The following CNTN5 variants were observed in gnomAD, a reference collection of about 807,000 sequenced individuals.
CNTN5 encodes contactin 5.
A neutral mutation model predicts 129.1 loss-of-function variants in CNTN5; 77 were observed. The ratio of observed to expected loss-of-function variants is 0.60; its 90% CI spans 0.50 to 0.72. The LOEUF is 0.72. Ranked by LOEUF, CNTN5 falls within the 30% of genes least tolerant of loss-of-function variation. CNTN5 has a pLI of 0.00. For synonymous variants in CNTN5, 509 were observed against 465.6 expected (o/e 1.09, Z -1.20); for missense variants, 1,478 against 1,328.8 (o/e 1.11, Z -1.75).
chr11:100,101,166 C>A (rs575912654), intron 13 of CNTN5, among the ~76,000 whole-genome samples: 1 of 152,062 alleles, frequency 6.6e-6, no homozygotes, highest in Non-Finnish European at 1.5e-5. Flanking sequence ...TGGAGATTTG[C>A]ATCAACTTGA....
At chr11:100,085,922 A>G (rs1728702437) in intron 13 of CNTN5, among the ~76,000 whole-genome samples, 1 of 152,072 alleles carries the variant, frequency 6.6e-6, no homozygotes, top group Non-Finnish European at 1.5e-5. Context: ...TGGTCTTGGA[A>G]TAGGATTTTA....
chr11:100,100,981 A>G (rs1345669150), intron 13 of CNTN5, among the ~76,000 whole-genome samples: 1 of 152,160 alleles, frequency 6.6e-6, no homozygotes, highest in South Asian at 2.1e-4. Context: ...AAAGATGTCA[A>G]AAACACATGG....
intron 6 of CNTN5, among the ~76,000 whole-genome samples, chr11:99,905,571 C>T (rs1357743940): frequency 2.0e-5 from 3 of 152,078 alleles, no homozygotes; most frequent in African/African-American, 7.2e-5. Flanking sequence ...AGTAGGGTAG[C>T]ATGATGCCTC....
chr11:99,177,305 C>G (rs530892111), intron 1 of CNTN5, among the ~76,000 whole-genome samples: 2 of 152,206 alleles, frequency 1.3e-5, no homozygotes, highest in African/African-American at 4.8e-5. Context: ...TTATTTTTGT[C>G]CCTCTCCACT....
At chr11:100,058,652 T>C (rs1485706522) in intron 9 of CNTN5, among the ~76,000 whole-genome samples, 7 of 152,160 alleles carry the variant, frequency 4.6e-5, no homozygotes. Context: ...CAATTTTATG[T>C]TTTATTCCTA....
chr11:99,768,267 G>C (rs1307973960), intron 3 of CNTN5, among the ~76,000 whole-genome samples: 1 of 152,030 alleles, frequency 6.6e-6, no homozygotes, highest in African/African-American at 2.4e-5. Flanking sequence ...TTTTATGGAT[G>C]TATATGTACA....
intron 1 of CNTN5, among the ~76,000 whole-genome samples, chr11:99,047,720 A>G (rs1320983715): frequency 2.6e-5 from 4 of 152,120 alleles, no homozygotes; most frequent in African/African-American, 7.2e-5. Flanking sequence ...CAAAATGCCT[A>G]AATTAACACC....
intron 20 of CNTN5, among the ~76,000 whole-genome samples, chr11:100,303,347 AT>A (rs1951270643): frequency 6.6e-6 from 1 of 151,630 alleles, no homozygotes; most frequent in African/African-American, 2.4e-5. Context: ...GGTAAAACTG[AT>A]AAAAATTAAT....
chr11:100,325,103 T>A (rs1951764932), intron 21 of CNTN5, among the ~76,000 whole-genome samples: 1 of 152,084 alleles, frequency 6.6e-6, no homozygotes, highest in South Asian at 2.1e-4. Context: ...CAAAACAAAT[T>A]CAACTTTCAT....
At chr11:99,794,924 T>C (rs1389972517) in intron 3 of CNTN5, among the ~76,000 whole-genome samples, 2 of 152,166 alleles carry the variant, frequency 1.3e-5, no homozygotes, top group Non-Finnish European at 2.9e-5. Flanking sequence ...CTGTATAATA[T>C]CTTGCAGGGG....
intron 16 of CNTN5, among the ~76,000 whole-genome samples, chr11:100,248,114 G>A (rs1198592527): frequency 1.3e-5 from 2 of 152,054 alleles, no homozygotes; most frequent in Non-Finnish European, 2.9e-5. Context: ...TATTTATAGG[G>A]TTAAAAATAA....
rs61911112 is a variant in CNTN5, at chr11:99,579,907, C to T, written c.55+23638C>T. Among the ~76,000 whole-genome samples the T allele has an allele frequency of 2.2e-3, 334 of 149,858 alleles. 2 individuals carry two copies. Among genetic ancestry groups the T allele is most frequent in the Non-Finnish European group, 3.7e-3 (251 of 67,376 alleles). ...TGAGAGAGGGCATCCCTGTCTTGTG[C>T]CAGTTTTCAAAGAGAATGCTTCCAG... On this transcript the variant is annotated intron_variant, in intron 3 of 24. Coordinates refer to ENST00000524871, the MANE Select transcript of CNTN5 (RefSeq NM_014361.4).
chr11:99,103,854 C>T (rs1866864387), intron 1 of CNTN5, among the ~76,000 whole-genome samples: 1 of 151,770 alleles, frequency 6.6e-6, no homozygotes, highest in Non-Finnish European at 1.5e-5. Flanking sequence ...AAATGTATAC[C>T]TAAGCCAAAA....
At chr11:99,530,852 C>T (rs1327725624) in intron 2 of CNTN5, among the ~76,000 whole-genome samples, 1 of 152,218 alleles carries the variant, frequency 6.6e-6, no homozygotes, top group Non-Finnish European at 1.5e-5. Context: ...GAGTCTTCCT[C>T]AGCCATGTGG....
intron 2 of CNTN5, among the ~76,000 whole-genome samples, chr11:99,552,815 G>A (rs950100792): frequency 2.0e-5 from 3 of 152,000 alleles, no homozygotes; most frequent in African/African-American, 4.8e-5. Context: ...TCTTTCTCTC[G>A]CTGGTTCTCT....
Position 99,994,138 on chromosome 11 carries a change from C to A in CNTN5, c.878-7896C>A, listed in dbSNP as rs80332291. Among the ~76,000 whole-genome samples, 545 of 149,634 alleles carry A rather than the reference C, an allele frequency of 3.6e-3. 3 individuals are homozygous for A. Among genetic ancestry groups the A allele is most frequent in the African/African-American group, 0.013 (523 of 39,808 alleles). On this transcript the variant is annotated intron_variant, in intron 8 of 24. Coordinates refer to ENST00000524871, the MANE Select transcript of CNTN5 (RefSeq NM_014361.4). ...CCAAATACTATCAGAAGTACCCATC[C>A]TTTGGGTCATTTTTAACGACAATGG...
At chr11:100,309,141 G>A in intron 21 of CNTN5, 3 of 985,070 alleles carry the variant, frequency 3.0e-6, no homozygotes, top group Non-Finnish European at 3.6e-6. Flanking sequence ...CAGTCATGGA[G>A]AGGAATTAGG....
At chr11:99,784,795 G>GTTTTTTT (rs55715264) in intron 3 of CNTN5, among the ~76,000 whole-genome samples, 7 of 93,914 alleles carry the variant, frequency 7.5e-5, no homozygotes, top group South Asian at 3.9e-4. Flanking sequence ...ATCTCATTGT[G>GTTTTTTT]TTTTTTTTTT....
intron 3 of CNTN5, among the ~76,000 whole-genome samples, chr11:99,748,896 T>G (rs563196056): frequency 6.6e-6 from 1 of 152,322 alleles, no homozygotes; most frequent in South Asian, 2.1e-4. Flanking sequence ...TGCCTAGAGA[T>G]AATATTTTAC....
Sources: allele counts gnomAD v4.1 joint callset (sites outside exome capture counted in the v4.1 genomes callset), GRCh38; gene constraint gnomAD v4.1.1; transcripts MANE v1.5; gene names NCBI Gene and HGNC (gene_info 2026-07-23, HGNC 2026-07-21).